Variants in PLD5 observed in about 807,000 individuals in gnomAD.
The protein encoded by PLD5 is phospholipase D family member 5.
In PLD5, 36 loss-of-function variants were observed where a neutral mutation model predicts 61.1. The observed-to-expected ratio is 0.59, with a 90% confidence interval of 0.45 to 0.78. PLD5 has a LOEUF of 0.78. PLD5 is among the 30% of genes least tolerant of loss of function. The pLI is 0.00. For synonymous variants in PLD5, 243 were observed against 242.8 expected, an observed-to-expected ratio of 1.00 and a Z score of -0.01; for missense variants, 515 against 644.4, an observed-to-expected ratio of 0.80 and a Z score of 2.17.
At chr1:242,195,467 G>A (rs536295427) in intron 5 of PLD5, among the ~76,000 whole-genome samples, 2 of 152,216 alleles carry the variant, frequency 1.3e-5, no homozygotes, top group South Asian at 2.1e-4. Context: ...TAACAATCTC[G>A]CTGTTTCTCT....
At position 242,085,871 on chromosome 1, in the gene PLD5, T is replaced by C. The variant is rs1389082601; in HGVS notation, c.*3983A>G. 2 of 125,132 alleles carry C rather than the reference T, an allele frequency of 1.6e-5. No individual in the cohort carries two copies. The highest frequency in any genetic ancestry group is 3.5e-5 in the Non-Finnish European group (2 of 57,416). 7.8% of individuals were successfully genotyped at this position (125,132 alleles called of 1,614,324 possible). A position where few individuals can be genotyped will look rare whatever the true frequency, so the allele number is the denominator to read the frequency against. ...AGAAACACACACCAGTGGTCATACG[T>C]GTGGAAAAAAAAAAAAGTTAATTGT... is the stretch of plus-strand genomic sequence containing the variant. On this transcript the variant is annotated 3_prime_UTR_variant, in exon 10 of 10. Coordinates refer to ENST00000536534, the MANE Select transcript of PLD5 (RefSeq NM_001372062.1).
At chr1:242,361,969 A>T (rs1427785255) in intron 1 of PLD5, among the ~76,000 whole-genome samples, 88 of 137,580 alleles carry the variant, frequency 6.4e-4, no homozygotes, top group Non-Finnish European at 1.0e-3. Context: ...ACCTCATCTC[A>T]TTTTTTTTTT....
chr1:242,197,905 A>T lies in PLD5; in HGVS notation c.735+22083T>A, dbSNP rs561956959. Among the ~76,000 whole-genome samples the T allele has an allele frequency of 2.6e-5, 4 of 152,266 alleles. No individual in the cohort carries two copies. The East Asian group carries it at 7.7e-4, about 29-fold the overall frequency. ...CACCTCGGTCTCCCAAAGTGCTGGG[A>T]TTACAGGTAATTACACACTTATTAA... is the stretch of plus-strand genomic sequence containing the variant. On this transcript the variant is annotated intron_variant, in intron 5 of 9. Coordinates refer to ENST00000536534, the MANE Select transcript of PLD5 (RefSeq NM_001372062.1).
At chr1:242,429,391 ATC>A (rs1335640612) in intron 1 of PLD5, among the ~76,000 whole-genome samples, 1 of 152,172 alleles carries the variant, frequency 6.6e-6, no homozygotes, top group African/African-American at 2.4e-5. Flanking sequence ...AATAGAAATA[ATC>A]TTTTTAAAAT....
At chr1:242,242,196 T>C (rs1672101735) in intron 4 of PLD5, among the ~76,000 whole-genome samples, 1 of 151,944 alleles carries the variant, frequency 6.6e-6, no homozygotes, top group African/African-American at 2.4e-5. Context: ...ACGAGTTAGT[T>C]GATGAATGAG....
chr1:242,373,756 C>T (rs1400064196), intron 1 of PLD5, among the ~76,000 whole-genome samples: 2 of 152,002 alleles, frequency 1.3e-5, no homozygotes, highest in African/African-American at 4.8e-5. Flanking sequence ...ACAATGAGAA[C>T]ACTTGGACAC....
At chr1:242,332,403 A>G (rs1469803889) in intron 2 of PLD5, among the ~76,000 whole-genome samples, 1 of 152,118 alleles carries the variant, frequency 6.6e-6, no homozygotes, top group Non-Finnish European at 1.5e-5. Context: ...ATACCCAGTA[A>G]TGGAATTGCT....
intron 1 of PLD5, among the ~76,000 whole-genome samples, chr1:242,512,120 T>C (rs1456255512): frequency 6.6e-6 from 1 of 151,974 alleles, no homozygotes; most frequent in Non-Finnish European, 1.5e-5. Flanking sequence ...AAGAGTATTT[T>C]GGTGGGTTTG....
intron 5 of PLD5, among the ~76,000 whole-genome samples, chr1:242,179,921 AGTGTGTGTGTGT>A (rs4039792): frequency 6.6e-6 from 1 of 150,442 alleles, no homozygotes; most frequent in Non-Finnish European, 1.5e-5. Context: ...ACCAAAATTG[AGTGTGTGTGTGT>A]GTGTGTGTGT....
At chr1:242,091,802 A>C (rs933235964) in intron 9 of PLD5, among the ~76,000 whole-genome samples, 5 of 147,886 alleles carry the variant, frequency 3.4e-5, no homozygotes, top group Admixed American at 2.7e-4. Context: ...GAGTAGCTTT[A>C]TTCTTCTTTT....
chr1:242,236,649 C>G (rs940031281), intron 4 of PLD5, among the ~76,000 whole-genome samples: 1 of 152,066 alleles, frequency 6.6e-6, no homozygotes. Context: ...ATCTTTTATT[C>G]TACAACAAAA....
chr1:242,099,154 C>T (rs1278211363), intron 9 of PLD5, among the ~76,000 whole-genome samples: 1 of 152,032 alleles, frequency 6.6e-6, no homozygotes, highest in Non-Finnish European at 1.5e-5. Flanking sequence ...AGGAGTCCCA[C>T]CTTGTCACCC....
chr1:242,143,030 T>C (rs74531461), intron 5 of PLD5, among the ~76,000 whole-genome samples: 27 of 151,250 alleles, frequency 1.8e-4, no homozygotes, highest in Admixed American at 5.3e-4. Context: ...TTTTTTTTTT[T>C]TCTCTCTCTC....
intron 1 of PLD5, among the ~76,000 whole-genome samples, chr1:242,508,213 A>C (rs1668790723): frequency 6.6e-6 from 1 of 151,414 alleles, no homozygotes; most frequent in Non-Finnish European, 1.5e-5. Flanking sequence ...AAAATACAAA[A>C]AAAAAAAAAA....
intron 2 of PLD5, among the ~76,000 whole-genome samples, chr1:242,304,100 G>A (rs1676213021): frequency 6.6e-6 from 1 of 152,130 alleles, no homozygotes; most frequent in African/African-American, 2.4e-5. Flanking sequence ...AACCTTGCAA[G>A]AAACCAGATC....
rs987931486 is a variant in PLD5 at position 242,277,478 on chromosome 1, A to C, written c.495+10884T>G. 8.6e-4 allele frequency among the ~76,000 whole-genome samples: 99 copies of C among 115,084 alleles called. 4 individuals carry two copies. The highest frequency in any genetic ancestry group is 2.9e-3 in the African/African-American group (96 of 32,562). The allele number at this position is 115,084 out of a possible 152,430, so 75.5% of individuals were successfully genotyped here. On this transcript the variant is annotated intron_variant, in intron 3 of 9. Coordinates refer to ENST00000536534, the MANE Select transcript of PLD5 (RefSeq NM_001372062.1). ...GATCTTGAGCAAATGGACAGTAAGA[A>C]AAAAACGCACAGATATTTACTGCAG... is the stretch of plus-strand genomic sequence containing the variant.
At chr1:242,386,769 A>G (rs537905550) in intron 1 of PLD5, among the ~76,000 whole-genome samples, 1 of 152,316 alleles carries the variant, frequency 6.6e-6, no homozygotes, top group South Asian at 2.1e-4. Context: ...GAGACAATTG[A>G]GATTTGAATA....
chr1:242,253,603 G>A (rs911628060), intron 4 of PLD5, among the ~76,000 whole-genome samples: 9 of 152,136 alleles, frequency 5.9e-5, no homozygotes, highest in South Asian at 2.1e-4. Context: ...GTGAGCCACC[G>A]CGCCCGGCCG....
Position 242,500,521 on chromosome 1 carries a change from C to T in PLD5, c.189+23567G>A, listed in dbSNP as rs188710147. Among the ~76,000 whole-genome samples, 219 of 152,162 alleles carry T rather than the reference C, an allele frequency of 1.4e-3. 1 individual carries two copies. The highest frequency in any genetic ancestry group is 5.2e-3 in the African/African-American group (215 of 41,504). On this transcript the variant is annotated intron_variant, in intron 1 of 9. Coordinates refer to ENST00000536534, the MANE Select transcript of PLD5 (RefSeq NM_001372062.1). ...AAACAATGGGAGTGCAATTAAGTGC[C>T]GAACTGTGATAACTGATCAAAGATG...
Sources: allele counts gnomAD v4.1 joint callset (sites outside exome capture counted in the v4.1 genomes callset), GRCh38; gene constraint gnomAD v4.1.1; transcripts MANE v1.5; gene names NCBI Gene and HGNC (gene_info 2026-07-23, HGNC 2026-07-21).